CEP290: variants seen among roughly 807,000 people sequenced by gnomAD.
CEP290 encodes centrosomal protein of 290 kDa.
In CEP290, 317 loss-of-function variants were observed where a neutral mutation model predicts 344.9. The ratio of observed to expected loss-of-function variants is 0.92; its 90% CI spans 0.84 to 1.01. The LOEUF (loss-of-function observed/expected upper bound fraction) is 1.01. CEP290 is among the 50% of genes least tolerant of loss of function. The probability of loss-of-function intolerance (pLI) is 0.00; values close to 1 mark genes in which losing one functional copy is unlikely to be tolerated. For synonymous variants in CEP290, 932 were observed against 895.8 expected, an observed-to-expected ratio of 1.04 and a Z score of -0.72; for missense variants, 2,754 against 2,761.4, an observed-to-expected ratio of 1.00 and a Z score of 0.06.
At chr12:88,109,691 A>C (rs993671170) in intron 22 of CEP290, among the ~76,000 whole-genome samples, 3 of 152,128 alleles carry the variant, frequency 2.0e-5, no homozygotes, top group Non-Finnish European at 4.4e-5. Flanking sequence ...GTCTGACTCC[A>C]AAGGTCTTGC....
At chr12:88,138,756 C>T (rs1212149987) in intron 5 of CEP290, among the ~76,000 whole-genome samples, 1 of 152,196 alleles carries the variant, frequency 6.6e-6, no homozygotes, top group Non-Finnish European at 1.5e-5. Context: ...CCTACCTTCT[C>T]AGGAATCTCA....
At chr12:88,089,976 C>T (rs1223414470) in intron 30 of CEP290, among the ~76,000 whole-genome samples, 4 of 152,108 alleles carry the variant, frequency 2.6e-5, no homozygotes, top group Non-Finnish European at 5.9e-5. Context: ...CCGCCTGCCT[C>T]GGCCTCCCAG....
At chr12:88,071,146 G>A in intron 43 of CEP290, 148 bp downstream of exon 43, 1 of 667,296 alleles carries the variant, frequency 1.5e-6, no homozygotes, top group Non-Finnish European at 2.6e-6. Context: ...AAAATTATGT[G>A]GCATATGAAG....
intron 22 of CEP290, 77 bp from the exon 23 acceptor site, chr12:88,109,258 T>A: frequency 3.5e-6 from 2 of 578,414 alleles, no homozygotes; most frequent in Non-Finnish European, 6.0e-6. Flanking sequence ...TATAAATTCA[T>A]ATTCTGACAA....
chr12:88,111,011 T>A (rs1276130615), intron 22 of CEP290, among the ~76,000 whole-genome samples, 191 bp downstream of exon 22: 1 of 152,176 alleles, frequency 6.6e-6, no homozygotes, highest in Non-Finnish European at 1.5e-5. Flanking sequence ...AAAATATATT[T>A]CACTGTTACT....
intron 35 of CEP290, 140 bp downstream of exon 35, chr12:88,084,446 C>G (rs1213068269): frequency 3.8e-6 from 3 of 781,176 alleles, no homozygotes; most frequent in Non-Finnish European, 6.1e-6. Context: ...GAGGTGTAAT[C>G]CAATCACATG....
chr12:88,074,558 GC>G (rs2035619237), intron 41 of CEP290, among the ~76,000 whole-genome samples: 1 of 152,138 alleles, frequency 6.6e-6, no homozygotes, highest in South Asian at 2.1e-4. Context: ...AACTCTCATA[GC>G]CCTTGTCCTC....
At chr12:88,131,611 A>T (rs1337295774) in intron 6 of CEP290, among the ~76,000 whole-genome samples, 2 of 152,150 alleles carry the variant, frequency 1.3e-5, no homozygotes, top group African/African-American at 4.8e-5. Flanking sequence ...ATCTACTTAA[A>T]TTTTAAATCC....
At chr12:88,080,454 C>G (rs1592819368) in intron 37 of CEP290, 59 bp from the exon 38 acceptor site, 7 of 1,238,758 alleles carry the variant, frequency 5.7e-6, no homozygotes, top group South Asian at 2.8e-5. Context: ...TTTTGAGACC[C>G]AGTCTCACTC....
rs1394599739 is a variant in CEP290, at chr12:88,116,657, G to A, written c.1824+376C>T. On this transcript the variant is annotated intron_variant, in intron 18 of 53. Coordinates refer to ENST00000552810, the MANE Select transcript of CEP290 (RefSeq NM_025114.4). ...TTAGATGTTCAAGAATGAGATAAAG[G>A]GGGAAGAAATGAAAACACAATAAAA... Among the ~76,000 whole-genome samples, 3 of 152,196 alleles carry A rather than the reference G, an allele frequency of 2.0e-5. No individual in the cohort carries two copies. In the East Asian group the frequency reaches 5.8e-4, roughly 29 times the overall value.
In CEP290 at chr12:88,055,594, ATTGTAT is replaced by A; in HGVS notation, c.6936_6941del (p.Lys2312_Tyr2313del). 6.3e-7 allele frequency: 1 copy of A among 1,580,516 alleles called. No homozygotes were observed. Among genetic ancestry groups the A allele is most frequent in the African/African-American group, 1.3e-5 (1 of 74,326 alleles). ...TACTTACCTGTTGTTCAAGGTCTTC[ATTGTAT>A]TTGTTAACTTTTTGTTCTCTCTCTG... On this transcript the variant is annotated inframe_deletion, in exon 50 of 54. Transcript: ENST00000552810.
intron 25 of CEP290, among the ~76,000 whole-genome samples, chr12:88,104,614 G>A (rs1232996397): frequency 6.6e-6 from 1 of 151,662 alleles, no homozygotes; most frequent in African/African-American, 2.4e-5. Flanking sequence ...AAACAAATGA[G>A]CCTAACTATA....
At chr12:88,115,927 T>A in intron 18 of CEP290, 1 of 984,862 alleles carries the variant, frequency 1.0e-6, no homozygotes. Context: ...ACTTCACTTT[T>A]TATTATATCT....
At position 88,106,779 on chromosome 12, in the gene CEP290, C is replaced by A; in HGVS notation, c.2713G>T (p.Glu905Ter). The A allele has an allele frequency of 6.2e-7, 1 of 1,610,454 alleles. No homozygotes were observed. Among genetic ancestry groups the A allele is most frequent in the Non-Finnish European group, 8.5e-7 (1 of 1,178,024 alleles). The change falls in exon 25 of 54, where the codon GAA becomes TAA. Residue 905 changes from glutamate to a stop codon, truncating the protein, a stop_gained. Transcript: ENST00000552810. LOFTEE classifies it high-confidence loss of function. ...TCTTTTCTAAGTTGTCGCTCCAATTCTACTAAGGTTGTATATTGCCTTATA... is the reference window on the plus strand; with the variant it reads ...TCTTTTCTAAGTTGTCGCTCCAATTATACTAAGGTTGTATATTGCCTTATA... The part of the protein sequence containing the change: ...SLIRQYTTLV[E>*]LERQLRKENE...
intron 30 of CEP290, among the ~76,000 whole-genome samples, chr12:88,090,243 C>G (rs761695550): frequency 8.5e-5 from 13 of 152,124 alleles, no homozygotes; most frequent in Non-Finnish European, 1.5e-4. Flanking sequence ...AAATGCTGTA[C>G]TGGATTACTG....
chr12:88,077,951 ACT>A (rs748818469), intron 39 of CEP290, 33 bp from the exon 40 acceptor site: 2 of 911,388 alleles, frequency 2.2e-6, no homozygotes, highest in Non-Finnish European at 1.6e-6. Context: ...ATTATTCATG[ACT>A]CTTCAAGAAG....
In CEP290 at chr12:88,092,703, C is replaced by G. The variant is rs768639908; in HGVS notation, c.3439G>C (p.Glu1147Gln). Residue 1147 changes from glutamate (E) to glutamine (Q), a missense_variant, in exon 29 of 54, where the codon GAA (glutamate) becomes CAA (glutamine). Coordinates refer to ENST00000552810, the MANE Select transcript of CEP290 (RefSeq NM_025114.4). The stretch of plus-strand genomic sequence containing the variant: ...TACTTTGACACTTCAACTTTTAGTT[C>G]CATTTCATTCTTCTCTAATTCTAGA... Reference protein sequence around the residue: ...RILELEKNEMELKVEVSKLRE... With the variant: ...RILELEKNEMQLKVEVSKLRE... The G allele has an allele frequency of 1.6e-5, 26 of 1,608,504 alleles. No individual in the cohort carries two copies. In the South Asian group the frequency reaches 2.8e-4, roughly 17 times the overall value.
chr12:88,115,298 CG>C, intron 18 of CEP290, 116 bp from the exon 19 acceptor site: 1 of 701,508 alleles, frequency 1.4e-6, no homozygotes, highest in Non-Finnish European at 2.3e-6. Flanking sequence ...ACAAAAAAAA[CG>C]AGCTATGAAG....
rs556708373 is a variant in CEP290 at position 88,123,414 on chromosome 12, C to A, written c.1189+1832G>T. Among the ~76,000 whole-genome samples, 3 of 152,194 alleles carry A rather than the reference C, an allele frequency of 2.0e-5. No individual in the cohort carries two copies. In the South Asian group the frequency reaches 6.2e-4, roughly 32 times the overall value. On this transcript the variant is annotated intron_variant, in intron 13 of 53. Coordinates refer to ENST00000552810, the MANE Select transcript of CEP290 (RefSeq NM_025114.4). ...CCATTTTCTCTTGAACCAAAAATGACCATTGCTAAGTCCAATAGTCAACTT... is the reference window on the plus strand; with the variant it reads ...CCATTTTCTCTTGAACCAAAAATGAACATTGCTAAGTCCAATAGTCAACTT...
Sources: allele counts gnomAD v4.1 joint callset (sites outside exome capture counted in the v4.1 genomes callset), GRCh38; gene constraint gnomAD v4.1.1; transcripts MANE v1.5; gene names NCBI Gene and HGNC (gene_info 2026-07-23, HGNC 2026-07-21).